Variants in KCTD1 observed in about 807,000 individuals in gnomAD.
The protein encoded by KCTD1 is potassium channel tetramerization domain containing 1, also known as BTB/POZ domain-containing protein KCTD1.
In KCTD1, 24 loss-of-function variants were observed where a neutral mutation model predicts 66.0. The ratio of observed to expected loss-of-function variants is 0.36; its 90% CI spans 0.26 to 0.51. KCTD1 has a LOEUF of 0.51. KCTD1 is among the 20% of genes least tolerant of loss of function. KCTD1 has a pLI of 0.95. For synonymous variants in KCTD1, 511 were observed against 517.2 expected (o/e 0.99, Z 0.16); for missense variants, 943 against 1,205.2 (o/e 0.78, Z 3.22).
intron 1 of KCTD1, among the ~76,000 whole-genome samples, chr18:26,617,849 A>AAGGGAGGG (rs56029109): frequency 9.5e-5 from 10 of 104,930 alleles, no homozygotes; most frequent in African/African-American, 2.9e-4. Flanking sequence ...GGAAGGAAGG[A>AAGGGAGGG]AGGGAGGGAG....
rs964967876 is a variant in KCTD1 at position 26,468,626 on chromosome 18, G to T, written c.2133+7889C>A. Among the ~76,000 whole-genome samples, 6 of 152,174 alleles carry T rather than the reference G, an allele frequency of 3.9e-5. No individual in the cohort carries two copies. Among genetic ancestry groups the T allele is most frequent in the Non-Finnish European group, 8.8e-5 (6 of 68,034 alleles). On this transcript the variant is annotated intron_variant, in intron 3 of 4. Coordinates refer to ENST00000580059, the MANE Select transcript of KCTD1 (RefSeq NM_001142730.3). The surrounding 1 kb of genome is among the most constrained non-coding windows in gnomAD (Gnocchi z 4.8). ...GTGGGCGGATCATTTGAGGTCAGGA[G>T]TTTGAGACCAGCCTGGCCAACATGG...
At chr18:26,621,544 G>T (rs1056025170) in intron 1 of KCTD1, among the ~76,000 whole-genome samples, 2 of 152,092 alleles carry the variant, frequency 1.3e-5, no homozygotes, top group African/African-American at 4.8e-5. Flanking sequence ...GGAGGGAGGG[G>T]AAGGCAGAGG....
intron 1 of KCTD1, among the ~76,000 whole-genome samples, chr18:26,503,588 T>C (rs1982879466): frequency 6.6e-6 from 1 of 152,120 alleles, no homozygotes; most frequent in Non-Finnish European, 1.5e-5. Context: ...AGTTTTTCAA[T>C]TGGACACATT....
At chr18:26,485,893 C>T (rs993867268) in intron 2 of KCTD1, among the ~76,000 whole-genome samples, 1 of 151,234 alleles carries the variant, frequency 6.6e-6, no homozygotes, top group East Asian at 1.9e-4. Flanking sequence ...TTAAGAGTAT[C>T]AAGTACTCCG....
At chr18:26,613,125 A>G (rs1987172823) in intron 1 of KCTD1, among the ~76,000 whole-genome samples, 1 of 152,198 alleles carries the variant, frequency 6.6e-6, no homozygotes. Flanking sequence ...TGCAATACGT[A>G]TCTGAGCTAA....
At chr18:26,550,251 C>G (rs757676018), upstream of KCTD1, among the ~76,000 whole-genome samples, 35 of 152,218 alleles carry the variant, frequency 2.3e-4, no homozygotes, top group Non-Finnish European at 2.9e-4. The surrounding 1 kb of genome is among the most constrained non-coding windows in gnomAD (Gnocchi z 5.4). Flanking sequence ...TGTCAACTGC[C>G]TGTTTCCCCC....
chr18:26,579,148 A>G (rs546238559), intron 1 of KCTD1, among the ~76,000 whole-genome samples: 8 of 152,150 alleles, frequency 5.3e-5, no homozygotes, highest in Non-Finnish European at 1.2e-4. Context: ...TCACTCCACT[A>G]TACCTCCAGC....
At chr18:26,491,234 GCACAGCAGGAGGGTGGTGACTAA>G (rs1156640855) in intron 2 of KCTD1, among the ~76,000 whole-genome samples, 5 of 152,112 alleles carry the variant, frequency 3.3e-5, no homozygotes, top group African/African-American at 1.2e-4. Flanking sequence ...AGAAAGGAGG[GCACAGCAGGAGGGTGGTGACTAA>G]CACAGCCATG....
intron 1 of KCTD1, among the ~76,000 whole-genome samples, chr18:26,505,168 G>T (rs553940622): frequency 7.2e-5 from 11 of 152,400 alleles, no homozygotes; most frequent in African/African-American, 2.6e-4. Context: ...CATTTGGCTT[G>T]GGGGCCTTGG....
intron 1 of KCTD1, among the ~76,000 whole-genome samples, chr18:26,564,849 A>G (rs1985945127): frequency 6.6e-6 from 1 of 151,614 alleles, no homozygotes; most frequent in Non-Finnish European, 1.5e-5. Flanking sequence ...AGACTGTGCC[A>G]TTGCACTCCA....
chr18:26,547,583 G>A lies in KCTD1; in HGVS notation c.954C>T (p.Phe318=), dbSNP rs1985312559. 1.3e-6 allele frequency: 2 copies of A among 1,551,570 alleles called. No individual in the cohort carries two copies. The highest frequency in any genetic ancestry group is 1.7e-6 in the Non-Finnish European group (2 of 1,146,912). Residue 318 remains phenylalanine, a synonymous_variant, in exon 1 of 5, where the codon TTC becomes TTT. Transcript: ENST00000580059. ...GCTGGTTCTCGCGGCCGCGGGTACA[G>A]AAGTACATGCACGTCTCGAACCAGA... ...NKVWFETCMY[F]CTRGRENQRE...
At position 26,478,932 on chromosome 18, in the gene KCTD1, T is replaced by C. The variant is rs528547124; in HGVS notation, c.1989-2273A>G. 1.6e-4 allele frequency among the ~76,000 whole-genome samples: 24 copies of C among 152,302 alleles called. No homozygotes were observed. The South Asian group carries it at 4.8e-3, about 30-fold the overall frequency. On this transcript the variant is annotated intron_variant, in intron 2 of 4. Transcript: ENST00000580059. ...AAAGCAGCTCTTAAAAGACTGCAAG[T>C]GCTAAGGCACAGGATTTAAGGAGAA... is the stretch of plus-strand genomic sequence containing the variant.
chr18:26,577,250 CT>C (rs1261610043), intron 1 of KCTD1, among the ~76,000 whole-genome samples: 2 of 152,196 alleles, frequency 1.3e-5, no homozygotes, highest in Non-Finnish European at 2.9e-5. Flanking sequence ...TCATCCATCA[CT>C]GTCAAGGTTT....
intron 4 of KCTD1, chr18:26,456,591 T>C (rs1335736918): frequency 6.6e-6 from 1 of 152,200 alleles, no homozygotes; most frequent in Non-Finnish European, 1.5e-5. Context: ...ACCAGCACAA[T>C]GATTACATAT....
chr18:26,457,833 A>T (rs1398980100), intron 4 of KCTD1: 1 of 152,252 alleles, frequency 6.6e-6, no homozygotes, highest in African/African-American at 2.4e-5. Context: ...ACGCAAGGGT[A>T]GGTCATGGCT....
At chr18:26,657,083 CGCTCCTCCTGCCCGCTCT>C (rs1311597240) in intron 1 of KCTD1, among the ~76,000 whole-genome samples, 117 of 151,746 alleles carry the variant, frequency 7.7e-4, no homozygotes, top group Middle Eastern at 3.4e-3. Flanking sequence ...TGGCCGCACC[CGCTCCTCCTGCCCGCTCT>C]GCTCCGCCCT....
At chr18:26,514,549 C>CAAA (rs200444964) in intron 1 of KCTD1, among the ~76,000 whole-genome samples, 1,543 of 121,594 alleles carry the variant, frequency 0.013, 30 homozygotes, top group African/African-American at 0.016. Flanking sequence ...GACCTTGTCT[C>CAAA]AAAAAAAAAA....
chr18:26,622,751 G>T (rs983716652), intron 1 of KCTD1, among the ~76,000 whole-genome samples: 20 of 152,122 alleles, frequency 1.3e-4, no homozygotes. Context: ...ATGGGTAGGG[G>T]TGGAGAGGGT....
At chr18:26,556,871 C>A (rs1012627402) in intron 1 of KCTD1, among the ~76,000 whole-genome samples, 24 of 152,146 alleles carry the variant, frequency 1.6e-4, no homozygotes, top group African/African-American at 5.8e-4. Context: ...GAAAACCACC[C>A]AAATACATTT....
Sources: gnomAD v4.1 joint callset for allele counts (sites outside exome capture counted in the v4.1 genomes callset) on GRCh38, gnomAD v4.1.1 for gene constraint, Gnocchi (gnomAD v3.1) non-coding constraint, MANE v1.5 for transcripts, NCBI Gene and HGNC (gene_info 2026-07-23, HGNC 2026-07-21) for gene names.